ZFHX3: variants seen among roughly 807,000 people sequenced by gnomAD.
ZFHX3 encodes the protein zinc finger homeobox 3.
In ZFHX3, 42 loss-of-function variants were observed where a neutral mutation model predicts 279.1. The observed-to-expected ratio is 0.15, with a 90% CI of 0.12 to 0.19. The LOEUF is 0.19. Among genes scored for constraint, ZFHX3 ranks in the 10% least tolerant of loss-of-function variants. The pLI, the probability that ZFHX3 is intolerant of heterozygous loss-of-function variation, is 1.00. For synonymous variants in ZFHX3, 2,293 were observed against 1,957.8 expected, an observed-to-expected ratio of 1.17 and a Z score of -4.52; for missense variants, 4,981 against 4,754.0, an observed-to-expected ratio of 1.05 and a Z score of -1.40.
chr16:73,419,348 C>T (rs958596883), intron 3 of ZFHX3, among the ~76,000 whole-genome samples: 1 of 152,332 alleles, frequency 6.6e-6, no homozygotes, highest in East Asian at 1.9e-4. Flanking sequence ...GTGACAACAT[C>T]AGTATTTGAC....
At position 73,300,285 on chromosome 16, in the gene ZFHX3, G is replaced by A. The variant is rs72797390; in HGVS notation, c.-1194+17955C>T. 1.7e-3 allele frequency among the ~76,000 whole-genome samples: 174 copies of A among 104,022 alleles called. 2 individuals are homozygous for A. The highest frequency in any genetic ancestry group is 5.7e-3 in the South Asian group (14 of 2,466). 68.2% of individuals were successfully genotyped at this position (104,022 alleles called of 152,430 possible). On this transcript the variant is annotated intron_variant, in intron 4 of 17. Transcript: ENST00000641206. ...CTCTTAAAAAAAAAAAAAAAAAAAA[G>A]GACTCCCTGAAATGCCCCATTATAG...
intron 3 of ZFHX3, among the ~76,000 whole-genome samples, chr16:72,899,323 T>G (rs759966773): frequency 3.3e-5 from 5 of 152,136 alleles, no homozygotes; most frequent in Non-Finnish European, 7.4e-5. Flanking sequence ...CGAGTTCTCA[T>G]GAGATCTGAT....
intron 1 of ZFHX3, among the ~76,000 whole-genome samples, chr16:73,736,627 C>A (rs1047839796): frequency 6.6e-6 from 1 of 152,218 alleles, no homozygotes; most frequent in Non-Finnish European, 1.5e-5. Context: ...AAAGAAACTT[C>A]ATTCCTCAGT....
chr16:72,932,217 T>C lies in ZFHX3; in HGVS notation c.3216+18252A>G, dbSNP rs1472292796. Among the ~76,000 whole-genome samples the C allele has an allele frequency of 2.0e-5, 3 of 152,154 alleles. No homozygotes were observed. The East Asian group carries it at 5.8e-4, about 29-fold the overall frequency. On this transcript the variant is annotated intron_variant, in intron 3 of 9. Transcript: ENST00000268489. ...GTGTTGATGCTTGCAGGAAGTCCTATTTAAAAAGAAACAAACAAATACTGA... is the reference window on the plus strand; with the variant it reads ...GTGTTGATGCTTGCAGGAAGTCCTACTTAAAAAGAAACAAACAAATACTGA...
chr16:73,057,431 A>C (rs1402290708), intron 1 of ZFHX3, among the ~76,000 whole-genome samples: 2 of 152,200 alleles, frequency 1.3e-5, no homozygotes, highest in African/African-American at 4.8e-5. Context: ...ACGGACATTA[A>C]AATGCATAAT....
intron 5 of ZFHX3, among the ~76,000 whole-genome samples, chr16:73,156,230 T>TC (rs1444483142): frequency 7.5e-4 from 38 of 50,762 alleles, no homozygotes; most frequent in African/African-American, 2.7e-3. Flanking sequence ...AGACTCCCTC[T>TC]CAAAAAAAAA....
intron 5 of ZFHX3, among the ~76,000 whole-genome samples, chr16:73,241,812 A>AAC (rs1298042081): frequency 2.6e-5 from 4 of 151,076 alleles, no homozygotes; most frequent in Non-Finnish European, 5.9e-5. Flanking sequence ...AAAAAAAAAA[A>AAC]AAAGGAGTGT....
intron 3 of ZFHX3, among the ~76,000 whole-genome samples, chr16:73,419,267 G>A (rs1355642823): frequency 1.3e-5 from 2 of 152,212 alleles, no homozygotes; most frequent in African/African-American, 4.8e-5. Flanking sequence ...CTCACCATTT[G>A]CAATGAGGTA....
At chr16:73,257,428 C>T (rs1272943428) in intron 4 of ZFHX3, among the ~76,000 whole-genome samples, 3 of 152,066 alleles carry the variant, frequency 2.0e-5, no homozygotes, top group African/African-American at 7.2e-5. Context: ...AATAGAAGAC[C>T]CCCTCAGACA....
At chr16:73,526,987 T>G (rs2019706454) in intron 2 of ZFHX3, among the ~76,000 whole-genome samples, 3 of 152,048 alleles carry the variant, frequency 2.0e-5, no homozygotes, top group Admixed American at 1.3e-4. Context: ...AAGTATTCCT[T>G]TCCAATATAA....
intron 1 of ZFHX3, among the ~76,000 whole-genome samples, chr16:73,738,168 T>C (rs1013583559): frequency 2.0e-5 from 3 of 152,236 alleles, no homozygotes; most frequent in Admixed American, 1.3e-4. Context: ...TGGGGACCTG[T>C]TGGGCAGTTC....
chr16:73,529,084 G>A (rs562319943), intron 2 of ZFHX3, among the ~76,000 whole-genome samples: 3 of 152,282 alleles, frequency 2.0e-5, no homozygotes, highest in East Asian at 1.9e-4. Context: ...AACAATACTC[G>A]TGATGAGGCT....
chr16:73,149,088 G>A (rs953875264), intron 5 of ZFHX3, among the ~76,000 whole-genome samples: 3 of 148,530 alleles, frequency 2.0e-5, no homozygotes, highest in Admixed American at 2.0e-4. Context: ...ATAGTGCTCA[G>A]TAAATGTCAG....
intron 8 of ZFHX3, among the ~76,000 whole-genome samples, chr16:73,083,021 TAA>T (rs71156139): frequency 1.7e-4 from 23 of 132,046 alleles, no homozygotes; most frequent in African/African-American, 7.2e-4. Flanking sequence ...CCATCTCTAC[TAA>T]AAAAAAAAAA....
chr16:73,558,090 A>G (rs2020314281), intron 2 of ZFHX3, among the ~76,000 whole-genome samples: 1 of 152,232 alleles, frequency 6.6e-6, no homozygotes, highest in South Asian at 2.1e-4. Flanking sequence ...CAGTTTATGA[A>G]GATGTCCCAG....
At chr16:72,984,608 A>C (rs1219513976) in intron 1 of ZFHX3, among the ~76,000 whole-genome samples, 1 of 148,698 alleles carries the variant, frequency 6.7e-6, no homozygotes, top group African/African-American at 2.5e-5. Flanking sequence ...CCTGGGCCAA[A>C]GAGCAAGACT....
At chr16:73,780,276 T>G (rs1217993194) in intron 1 of ZFHX3, among the ~76,000 whole-genome samples, 2 of 150,456 alleles carry the variant, frequency 1.3e-5, no homozygotes, top group East Asian at 2.0e-4. Flanking sequence ...GCCTCCTGAG[T>G]AGCTGGGGCT....
intron 2 of ZFHX3, among the ~76,000 whole-genome samples, chr16:73,678,930 C>A (rs1035826924): frequency 6.6e-6 from 1 of 152,122 alleles, no homozygotes; most frequent in Non-Finnish European, 1.5e-5. Flanking sequence ...AGATGCGGTT[C>A]TGCTAACGAG....
intron 5 of ZFHX3, among the ~76,000 whole-genome samples, chr16:73,194,820 C>T (rs1968110247): frequency 6.6e-6 from 1 of 152,108 alleles, no homozygotes; most frequent in Non-Finnish European, 1.5e-5. Flanking sequence ...GTTAAGAATT[C>T]CTAATTCTGG....
Sources: gnomAD v4.1 joint callset for allele counts (sites outside exome capture counted in the v4.1 genomes callset) on GRCh38, gnomAD v4.1.1 for gene constraint, MANE v1.5 for transcripts, NCBI Gene and HGNC (gene_info 2026-07-23, HGNC 2026-07-21) for gene names.